FHOD3: variants seen among roughly 807,000 people sequenced by gnomAD.
The protein encoded by FHOD3 is formin homology 2 domain containing 3, also known as FH1/FH2 domain-containing protein 3.
A neutral mutation model predicts 173.0 loss-of-function variants in FHOD3; 90 were observed. The observed-to-expected ratio is 0.52, with a 90% CI of 0.44 to 0.62. FHOD3 has a LOEUF of 0.62. FHOD3 is among the 20% of genes least tolerant of loss of function. The pLI is 0.00. For missense variants in FHOD3, 1,945 were observed against 2,034.7 expected (o/e 0.96, Z 0.85); for synonymous variants, 828 against 823.0 (o/e 1.01, Z -0.10).
chr18:36,537,868 C>G (rs2057059235), intron 5 of FHOD3, among the ~76,000 whole-genome samples: 1 of 152,138 alleles, frequency 6.6e-6, no homozygotes, highest in Admixed American at 6.5e-5. Context: ...CAGAACACTT[C>G]CCTCAGTAGC....
chr18:36,769,966 TC>T (rs1326940699), intron 28 of FHOD3, among the ~76,000 whole-genome samples: 2 of 152,184 alleles, frequency 1.3e-5, no homozygotes, highest in East Asian at 3.9e-4. Context: ...TTTTTCCTTT[TC>T]CCACCAAATA....
rs138775763 is a variant in FHOD3 at position 36,515,796 on chromosome 18, C to T, written c.511+3253C>T. Among the ~76,000 whole-genome samples the T allele has an allele frequency of 2.8e-3, 422 of 152,302 alleles. 2 individuals are homozygous for T. Among genetic ancestry groups the T allele is most frequent in the Non-Finnish European group, 4.8e-3 (325 of 68,034 alleles). On this transcript the variant is annotated intron_variant, in intron 5 of 28. Coordinates refer to ENST00000590592, the MANE Select transcript of FHOD3 (RefSeq NM_001281740.3). ...CTTTCTAATAGTGTCCCTTTACTGG[C>T]GACCAGAAGGCTCCCCATGCATTAT...
At chr18:36,672,584 T>C (rs1203196304) in intron 14 of FHOD3, among the ~76,000 whole-genome samples, 1 of 152,216 alleles carries the variant, frequency 6.6e-6, no homozygotes, top group Non-Finnish European at 1.5e-5. Context: ...GTGCAGATAC[T>C]TTTCAAGCCT....
At chr18:36,439,112 C>A (rs766537340) in intron 3 of FHOD3, among the ~76,000 whole-genome samples, 1 of 152,210 alleles carries the variant, frequency 6.6e-6, no homozygotes, top group Non-Finnish European at 1.5e-5. Flanking sequence ...AACAGTACAG[C>A]ATCTTATTAC....
chr18:36,610,270 G>A (rs1427308400), intron 8 of FHOD3, among the ~76,000 whole-genome samples: 2 of 152,178 alleles, frequency 1.3e-5, no homozygotes, highest in African/African-American at 4.8e-5. Context: ...GCCTGGGCCT[G>A]GTATTGTCAT....
intron 3 of FHOD3, among the ~76,000 whole-genome samples, chr18:36,429,863 G>A (rs7238325): frequency 0.28 from 42,255 of 151,816 alleles, 6,640 homozygotes; most frequent in East Asian, 0.48. Context: ...TGAGAAGCAG[G>A]CCTGGTGAGA....
At chr18:36,509,351 C>T (rs1216665139) in intron 4 of FHOD3, among the ~76,000 whole-genome samples, 1 of 147,076 alleles carries the variant, frequency 6.8e-6, no homozygotes, top group African/African-American at 2.6e-5. Flanking sequence ...GGCGTGAACC[C>T]GGGAGGCGGA....
chr18:36,532,017 C>T (rs1164377121), intron 5 of FHOD3, among the ~76,000 whole-genome samples: 1 of 152,226 alleles, frequency 6.6e-6, no homozygotes, highest in Non-Finnish European at 1.5e-5. Context: ...CCTGCCTGCC[C>T]TCAGCCTCAC....
At chr18:36,382,539 G>A (rs529654405) in intron 3 of FHOD3, among the ~76,000 whole-genome samples, 1 of 152,300 alleles carries the variant, frequency 6.6e-6, no homozygotes, top group South Asian at 2.1e-4. Context: ...AAGTCTACTG[G>A]TAACTAATTT....
At chr18:36,472,343 C>A (rs987323680) in intron 3 of FHOD3, among the ~76,000 whole-genome samples, 3 of 152,128 alleles carry the variant, frequency 2.0e-5, no homozygotes, top group Non-Finnish European at 2.9e-5. Flanking sequence ...TGAGAAAAAA[C>A]CAATTTGTCT....
intron 10 of FHOD3, among the ~76,000 whole-genome samples, chr18:36,649,022 G>T (rs755260784): frequency 6.6e-6 from 1 of 152,098 alleles, no homozygotes; most frequent in Non-Finnish European, 1.5e-5. Context: ...TGCATGTAGG[G>T]GGTGCAGGGT....
At chr18:36,381,702 T>G (rs555668263) in intron 3 of FHOD3, among the ~76,000 whole-genome samples, 1 of 152,112 alleles carries the variant, frequency 6.6e-6, no homozygotes, top group Non-Finnish European at 1.5e-5. Context: ...AGACCCCAAA[T>G]TATTTGTTGT....
Position 36,631,263 on chromosome 18 carries a change from T to C in FHOD3, c.1196+5514T>C, listed in dbSNP as rs150859660. Among the ~76,000 whole-genome samples the C allele has an allele frequency of 4.7e-3, 712 of 152,312 alleles. 8 individuals are homozygous for C. Among genetic ancestry groups the C allele is most frequent in the African/African-American group, 0.016 (670 of 41,570 alleles). On this transcript the variant is annotated intron_variant, in intron 10 of 28. Coordinates refer to ENST00000590592, the MANE Select transcript of FHOD3 (RefSeq NM_001281740.3). ...CACAAATCCTCACCAGAGGGGTGTT[T>C]AGAATCACTGTGGTCTTGGGCATAG...
At chr18:36,676,560 C>G (rs2037870814) in intron 14 of FHOD3, among the ~76,000 whole-genome samples, 1 of 152,044 alleles carries the variant, frequency 6.6e-6, no homozygotes, top group Non-Finnish European at 1.5e-5. Context: ...AGTGGAATTG[C>G]TAGGTTTTAG....
chr18:36,769,459 C>G (rs371221081), intron 28 of FHOD3, 33 bp downstream of exon 28: 19 of 1,605,250 alleles, frequency 1.2e-5, no homozygotes, highest in Non-Finnish European at 1.5e-5. Context: ...GAGCCTTCAC[C>G]CCTACAGGGA....
intron 5 of FHOD3, among the ~76,000 whole-genome samples, chr18:36,517,129 A>G (rs560137414): frequency 2.6e-5 from 4 of 152,196 alleles, no homozygotes; most frequent in Non-Finnish European, 4.4e-5. Context: ...TCTTAACTGT[A>G]CAACGTGGAG....
chr18:36,387,926 T>G (rs952959361), intron 3 of FHOD3, among the ~76,000 whole-genome samples: 1 of 152,060 alleles, frequency 6.6e-6, no homozygotes, highest in Non-Finnish European at 1.5e-5. Context: ...GTGGAGAGGT[T>G]GGAGGGTAAA....
intron 20 of FHOD3, among the ~76,000 whole-genome samples, chr18:36,733,865 G>A (rs1463458998): frequency 6.6e-6 from 1 of 152,192 alleles, no homozygotes; most frequent in Non-Finnish European, 1.5e-5. Context: ...CCCAGCATTA[G>A]TGTGTGCCCA....
chr18:36,513,695 CAG>C, intron 5 of FHOD3, among the ~76,000 whole-genome samples: 1 of 152,060 alleles, frequency 6.6e-6, no homozygotes, highest in Non-Finnish European at 1.5e-5. Context: ...TCCAGCCAAT[CAG>C]AGCCTTCATC....
Sources: gnomAD v4.1 joint callset for allele counts (sites outside exome capture counted in the v4.1 genomes callset) on GRCh38, gnomAD v4.1.1 for gene constraint, MANE v1.5 for transcripts, NCBI Gene and HGNC (gene_info 2026-07-23, HGNC 2026-07-21) for gene names.